The following AKAP9 variants were observed in gnomAD, a reference collection of about 807,000 sequenced individuals.
The protein encoded by AKAP9 is A-kinase anchor protein 9.
A neutral mutation model predicts 488.5 loss-of-function variants in AKAP9; 311 were observed. The ratio of observed to expected loss-of-function variants is 0.64; its 90% CI spans 0.58 to 0.70. The LOEUF (loss-of-function observed/expected upper bound fraction) is 0.70. Ranked by LOEUF, AKAP9 falls within the 30% of genes least tolerant of loss-of-function variation. AKAP9 has a pLI of 0.00. For missense variants in AKAP9, 4,215 were observed against 4,374.5 expected (o/e 0.96, Z 1.03); for synonymous variants, 1,462 against 1,483.5 (o/e 0.99, Z 0.33).
intron 2 of AKAP9, among the ~76,000 whole-genome samples, chr7:91,979,433 C>T (rs978089653): frequency 6.6e-6 from 1 of 152,066 alleles, no homozygotes; most frequent in Non-Finnish European, 1.5e-5. Context: ...TATCTCCCAC[C>T]AGGTCTCTCC....
At chr7:92,075,549 G>C (rs1387191934) in intron 28 of AKAP9, among the ~76,000 whole-genome samples, 1 of 152,192 alleles carries the variant, frequency 6.6e-6, no homozygotes, top group Non-Finnish European at 1.5e-5. Flanking sequence ...TGATAGTTTA[G>C]AGTGGAAGAT....
chr7:92,067,264 A>T (rs1810919460), intron 26 of AKAP9, among the ~76,000 whole-genome samples: 1 of 152,204 alleles, frequency 6.6e-6, no homozygotes, highest in African/African-American at 2.4e-5. Flanking sequence ...AAGTTCCAGC[A>T]TTGGATATCC....
At chr7:92,069,740 G>A (rs373909689) in intron 26 of AKAP9, among the ~76,000 whole-genome samples, 136 of 152,260 alleles carry the variant, frequency 8.9e-4, no homozygotes, top group African/African-American at 3.2e-3. Context: ...TTTGACCTGG[G>A]CTTGTTGGTG....
chr7:92,048,386 G>C (rs1193722819), intron 21 of AKAP9, among the ~76,000 whole-genome samples: 3 of 152,120 alleles, frequency 2.0e-5, no homozygotes, highest in Non-Finnish European at 4.4e-5. Flanking sequence ...GAGTAACCTA[G>C]TTTATGAAAT....
At chr7:91,951,051 A>G (rs1411098170) in intron 1 of AKAP9, among the ~76,000 whole-genome samples, 2 of 152,006 alleles carry the variant, frequency 1.3e-5, no homozygotes, top group South Asian at 4.1e-4. Context: ...TTAAACAACC[A>G]TTAGTAATTT....
chr7:91,992,739 G>A (rs1455552482), intron 4 of AKAP9, 146 bp from the exon 5 acceptor site: 1 of 632,686 alleles, frequency 1.6e-6, no homozygotes, highest in Non-Finnish European at 2.8e-6. Flanking sequence ...AGGTAAATAT[G>A]TTAACGAAGT....
Position 92,079,792 on chromosome 7 carries a change from T to G in AKAP9, c.7659T>G (p.Ala2553=), listed in dbSNP as rs764197869. Reference sequence around the variant, plus strand: ...AAATAGTTGAAGAAAAAGTGGCTGCTGCTCTTGTCAGTCAAATCCAACTTG... The same window carrying G: ...AAATAGTTGAAGAAAAAGTGGCTGCGGCTCTTGTCAGTCAAATCCAACTTG... ...LQKIVEEKVA[A]ALVSQIQLEA... Residue 2553 remains alanine (A), a synonymous_variant, in exon 31 of 50, where the codon GCT becomes GCG. Coordinates refer to ENST00000356239, the MANE Select transcript of AKAP9 (RefSeq NM_005751.5). 1 of 1,614,122 alleles carries G rather than the reference T, an allele frequency of 6.2e-7. No individual in the cohort carries two copies. The highest frequency in any genetic ancestry group is 8.5e-7 in the Non-Finnish European group (1 of 1,180,006).
In AKAP9 at chr7:92,000,905, A is replaced by G. The variant is rs1237448568; in HGVS notation, c.988A>G (p.Ile330Val). 9.7e-6 allele frequency: 14 copies of G among 1,447,060 alleles called. No homozygotes were observed. The highest frequency in any genetic ancestry group is 1.3e-5 in the South Asian group (1 of 74,450). 89.6% of individuals were successfully genotyped at this position (1,447,060 alleles called of 1,614,324 possible). A position where few individuals can be genotyped will look rare whatever the true frequency, so the allele number is the denominator to read the frequency against. Reference sequence around the variant, plus strand: ...AGAAGAAATACAGGAAAAGGAGACAATCATTGAAGAATTAAACACAAAAAT... The same window carrying G: ...AGAAGAAATACAGGAAAAGGAGACAGTCATTGAAGAATTAAACACAAAAAT... The part of the protein sequence containing the change: ...NKEEIQEKET[I>V]IEELNTKIIE... Residue 330 changes from isoleucine (I) to valine (V), a missense_variant, in exon 8 of 50, where the codon ATC becomes GTC. Physicochemically the swap from Ile to Val is conservative, Grantham distance 29. Coordinates refer to ENST00000356239, the MANE Select transcript of AKAP9 (RefSeq NM_005751.5).
intron 21 of AKAP9, among the ~76,000 whole-genome samples, chr7:92,051,948 G>A (rs1173064568): frequency 6.6e-6 from 1 of 152,088 alleles, no homozygotes; most frequent in Non-Finnish European, 1.5e-5. Flanking sequence ...GAAAATACTT[G>A]GAAAGCTTAT....
chr7:92,070,389 T>TTTG (rs878913286), intron 27 of AKAP9, among the ~76,000 whole-genome samples, 183 bp downstream of exon 27: 7 of 140,484 alleles, frequency 5.0e-5, no homozygotes, highest in South Asian at 2.2e-4. Context: ...GGAAGAGTTT[T>TTTG]TTGTTGTTGT....
intron 24 of AKAP9, 52 bp downstream of exon 24, chr7:92,062,538 C>A (rs1162946085): frequency 6.6e-7 from 1 of 1,511,884 alleles, no homozygotes; most frequent in African/African-American, 1.4e-5. Flanking sequence ...TATTTGTATT[C>A]TTCAAAGGCT....
chr7:91,942,850 G>A (rs1790952409), intron 1 of AKAP9, among the ~76,000 whole-genome samples: 1 of 152,004 alleles, frequency 6.6e-6, no homozygotes, highest in Admixed American at 6.6e-5. Flanking sequence ...TCTTCTTTTA[G>A]AATTTAGCCC....
intron 9 of AKAP9, among the ~76,000 whole-genome samples, chr7:92,013,280 C>T (rs1356481607): frequency 1.3e-5 from 2 of 151,820 alleles, no homozygotes; most frequent in East Asian, 1.9e-4. Context: ...CGTGAGCCAC[C>T]GCGCCCGGCC....
chr7:91,981,363 A>G (rs1304632267), intron 3 of AKAP9, among the ~76,000 whole-genome samples: 1 of 152,102 alleles, frequency 6.6e-6, no homozygotes, highest in Non-Finnish European at 1.5e-5. Flanking sequence ...GAAAATATAT[A>G]ACATTTAAAA....
In AKAP9 at chr7:91,980,495, C is replaced by CTTTTTTTTTTTT. The variant is rs60385804; in HGVS notation, c.351+174_351+185dup. 1.0e-4 allele frequency among the ~76,000 whole-genome samples: 5 copies of CTTTTTTTTTTTT among 48,756 alleles called. 2 individuals are homozygous for CTTTTTTTTTTTT. Among genetic ancestry groups the CTTTTTTTTTTTT allele is most frequent in the African/African-American group, 3.7e-4 (4 of 10,702 alleles). The allele number at this position is 48,756 out of a possible 152,430, so 32.0% of individuals were successfully genotyped here. On this transcript the variant is annotated intron_variant, in intron 3 of 49. Transcript: ENST00000356239. ...GAACCTGAGGATTATGTATTACTGA[C>CTTTTTTTTTTTT]TTTTTTTTTTTTTTTTTTTTTTTCA...
chr7:92,078,335 T>C (rs1254621815), intron 30 of AKAP9, among the ~76,000 whole-genome samples: 1 of 152,102 alleles, frequency 6.6e-6, no homozygotes, highest in Non-Finnish European at 1.5e-5. Flanking sequence ...TTAAGACACA[T>C]TGGTGGCCAG....
At chr7:92,093,889 C>A (rs186389485) in intron 39 of AKAP9, among the ~76,000 whole-genome samples, 4 of 151,782 alleles carry the variant, frequency 2.6e-5, no homozygotes, top group African/African-American at 7.3e-5. Context: ...CTCGCTCTGT[C>A]GCCCAGACTG....
At chr7:92,043,131 A>T (rs2130786392) in intron 20 of AKAP9, 1 of 176,284 alleles carries the variant, frequency 5.7e-6, no homozygotes, top group East Asian at 1.5e-4. Context: ...AGTATTAAAG[A>T]CTTTAAGCAC....
intron 1 of AKAP9, 58 bp from the exon 2 acceptor site, chr7:91,973,653 T>C: frequency 6.4e-7 from 1 of 1,571,892 alleles, no homozygotes; most frequent in Non-Finnish European, 8.7e-7. Flanking sequence ...TGCTTTTTTC[T>C]TGGTGGCAAT....
Sources: gnomAD v4.1 joint callset for allele counts (sites outside exome capture counted in the v4.1 genomes callset) on GRCh38, gnomAD v4.1.1 for gene constraint, MANE v1.5 for transcripts, NCBI Gene and HGNC (gene_info 2026-07-23, HGNC 2026-07-21) for gene names.